Variants in RCAN2 observed in about 807,000 individuals in gnomAD.
RCAN2 encodes the protein calcipressin-2.
Under a neutral mutation model 23.6 loss-of-function variants are expected in RCAN2, and 9 were observed. That is an observed-to-expected ratio of 0.38 (90% confidence interval 0.23 to 0.67). The LOEUF (loss-of-function observed/expected upper bound fraction) is 0.67. RCAN2 is among the 30% of genes least tolerant of loss of function. The pLI is 0.51. For synonymous variants in RCAN2, 109 were observed against 115.7 expected (o/e 0.94, Z 0.37); for missense variants, 273 against 302.3 (o/e 0.90, Z 0.72).
intron 1 of RCAN2, among the ~76,000 whole-genome samples, chr6:46,473,023 T>C (rs76123847): frequency 1.3e-3 from 198 of 152,294 alleles, no homozygotes; most frequent in African/African-American, 4.6e-3. Context: ...TCCAGATAAA[T>C]GTAGTTTTTA....
At chr6:46,226,679 T>G (rs1434845976) in intron 4 of RCAN2, among the ~76,000 whole-genome samples, 1 of 152,228 alleles carries the variant, frequency 6.6e-6, no homozygotes, top group African/African-American at 2.4e-5. Flanking sequence ...CTTAAGGGGA[T>G]TTTGGGCTGA....
At chr6:46,307,622 A>G (rs1763114663) in intron 2 of RCAN2, among the ~76,000 whole-genome samples, 1 of 152,172 alleles carries the variant, frequency 6.6e-6, no homozygotes. Flanking sequence ...AATAAACAAA[A>G]CAGACAACAT....
intron 2 of RCAN2, among the ~76,000 whole-genome samples, chr6:46,375,294 T>A (rs1765427989): frequency 6.6e-6 from 1 of 152,170 alleles, no homozygotes; most frequent in South Asian, 2.1e-4. Flanking sequence ...GATTCCCAAA[T>A]GGTTACTTGC....
At chr6:46,299,919 A>G (rs540039571) in intron 2 of RCAN2, among the ~76,000 whole-genome samples, 8 of 152,074 alleles carry the variant, frequency 5.3e-5, no homozygotes, top group African/African-American at 1.9e-4. Context: ...TTAATTGGTT[A>G]TAAGGTGATC....
At chr6:46,355,150 A>AC (rs540655041) in intron 2 of RCAN2, among the ~76,000 whole-genome samples, 6 of 152,140 alleles carry the variant, frequency 3.9e-5, no homozygotes, top group African/African-American at 1.4e-4. Context: ...TCTTTTTAAT[A>AC]CCCCCCAAAT....
At chr6:46,227,283 A>G (rs1303211373) in intron 4 of RCAN2, among the ~76,000 whole-genome samples, 1 of 152,236 alleles carries the variant, frequency 6.6e-6, no homozygotes, top group Non-Finnish European at 1.5e-5. Context: ...CTTTGGTATC[A>G]GGATGATGCT....
chr6:46,249,417 C>T (rs1766635419), intron 2 of RCAN2, among the ~76,000 whole-genome samples: 1 of 149,096 alleles, frequency 6.7e-6, no homozygotes, highest in Non-Finnish European at 1.5e-5. Flanking sequence ...CTCCTGGATT[C>T]AAGTGATTCT....
chr6:46,267,492 G>A (rs1767376191), intron 2 of RCAN2, among the ~76,000 whole-genome samples: 1 of 152,104 alleles, frequency 6.6e-6, no homozygotes, highest in African/African-American at 2.4e-5. Flanking sequence ...ACCAGCCTAA[G>A]CAACATAGGA....
intron 1 of RCAN2, among the ~76,000 whole-genome samples, chr6:46,462,696 C>A (rs1768254774): frequency 6.6e-6 from 1 of 152,184 alleles, no homozygotes; most frequent in Non-Finnish European, 1.5e-5. Context: ...ATTAATCTTT[C>A]CAAAACTCTC....
intron 2 of RCAN2, among the ~76,000 whole-genome samples, chr6:46,442,452 T>C (rs6458505): frequency 0.63 from 95,357 of 152,062 alleles, 32,354 homozygotes; most frequent in African/African-American, 0.91. Flanking sequence ...GGGCAAGACA[T>C]TATTTTTACA....
chr6:46,228,211 A>G (rs55701448), intron 4 of RCAN2, among the ~76,000 whole-genome samples: 2,119 of 152,256 alleles, frequency 0.014, 21 homozygotes, highest in Non-Finnish European at 0.021. Flanking sequence ...GGTCAATTTT[A>G]GAATAAGTGC....
chr6:46,353,497 C>T (rs996973130), intron 2 of RCAN2, among the ~76,000 whole-genome samples: 46 of 152,068 alleles, frequency 3.0e-4, no homozygotes, highest in African/African-American at 1.1e-3. Context: ...AAAATTTTAT[C>T]CCAGATAAGA....
intron 2 of RCAN2, among the ~76,000 whole-genome samples, chr6:46,280,019 A>G (rs900060246): frequency 1.3e-5 from 2 of 152,216 alleles, no homozygotes; most frequent in Admixed American, 6.5e-5. Context: ...AGTGATTCAG[A>G]GTCTTGGTCA....
At chr6:46,413,303 A>G (rs998857334) in intron 2 of RCAN2, among the ~76,000 whole-genome samples, 2 of 152,232 alleles carry the variant, frequency 1.3e-5, no homozygotes, top group African/African-American at 4.8e-5. Flanking sequence ...TAAAGGACAG[A>G]TTACATCCTG....
chr6:46,323,583 G>T (rs986795795), intron 2 of RCAN2, among the ~76,000 whole-genome samples: 3 of 152,040 alleles, frequency 2.0e-5, no homozygotes, highest in African/African-American at 7.3e-5. Context: ...AGAACCTACT[G>T]CAGTCAAAAG....
intron 2 of RCAN2, among the ~76,000 whole-genome samples, chr6:46,317,127 G>T (rs1313619322): frequency 2.0e-5 from 3 of 152,180 alleles, no homozygotes; most frequent in Non-Finnish European, 4.4e-5. Context: ...AGGAGGTGGA[G>T]GAGCTGTCAA....
intron 2 of RCAN2, among the ~76,000 whole-genome samples, chr6:46,421,677 T>C (rs1766893093): frequency 6.6e-6 from 1 of 152,132 alleles, no homozygotes; most frequent in Non-Finnish European, 1.5e-5. Context: ...CCAAAAGCAG[T>C]TTGTTTAACA....
chr6:46,470,577 T>C (rs1242076058), intron 1 of RCAN2, among the ~76,000 whole-genome samples: 2 of 152,230 alleles, frequency 1.3e-5, no homozygotes, highest in Admixed American at 1.3e-4. Context: ...CAGTGACACA[T>C]ACAAAAATGT....
At chr6:46,331,411 T>C (rs542654190) in intron 2 of RCAN2, among the ~76,000 whole-genome samples, 8 of 152,346 alleles carry the variant, frequency 5.3e-5, no homozygotes, top group African/African-American at 1.9e-4. Flanking sequence ...GGATTAAACA[T>C]ATGTGATGGT....
Sources: gnomAD v4.1 joint callset for allele counts (sites outside exome capture counted in the v4.1 genomes callset) on GRCh38, gnomAD v4.1.1 for gene constraint, MANE v1.5 for transcripts, NCBI Gene and HGNC (gene_info 2026-07-23, HGNC 2026-07-21) for gene names.